Variants in KCNJ8 observed in about 807,000 individuals in gnomAD.
The protein encoded by KCNJ8 is potassium inwardly rectifying channel subfamily J member 8, also known as ATP-sensitive inward rectifier potassium channel 8.
A neutral mutation model predicts 28.2 loss-of-function variants in KCNJ8; 13 were observed. The ratio of observed to expected loss-of-function variants is 0.46; its 90% CI spans 0.30 to 0.73. The LOEUF is 0.73. Ranked by LOEUF, KCNJ8 falls within the 30% of genes least tolerant of loss-of-function variation. The probability of loss-of-function intolerance (pLI) is 0.07; values close to 1 mark genes in which losing one functional copy is unlikely to be tolerated. For missense variants in KCNJ8, 284 were observed against 542.6 expected, an observed-to-expected ratio of 0.52 and a Z score of 4.73; for synonymous variants, 188 against 195.9, an observed-to-expected ratio of 0.96 and a Z score of 0.34.
At position 21,765,418 on chromosome 12, in the gene KCNJ8, G is replaced by A. The variant is rs1244564961; in HGVS notation, c.*305C>T. ...TTCTTGACCAAATTTTGTGCTCAAG[G>A]CCTGTTACTATTAGTGTAATTCTTG... is the stretch of plus-strand genomic sequence containing the variant. On this transcript the variant is annotated 3_prime_UTR_variant, in exon 3 of 3. Coordinates refer to ENST00000240662, the MANE Select transcript of KCNJ8 (RefSeq NM_004982.4). 9.5e-6 allele frequency: 4 copies of A among 421,356 alleles called. No individual in the cohort carries two copies. The highest frequency in any genetic ancestry group is 9.3e-5 in the South Asian group (4 of 42,836). 26.1% of individuals were successfully genotyped at this position (421,356 alleles called of 1,614,324 possible).
At chr12:21,774,144 GAAGT>G (rs974719786) in intron 1 of KCNJ8, among the ~76,000 whole-genome samples, 5 of 152,110 alleles carry the variant, frequency 3.3e-5, no homozygotes, top group African/African-American at 1.2e-4. Context: ...GTTATTTTTA[GAAGT>G]AAGCAAAGGC....
chr12:21,766,382 G>C lies in KCNJ8; in HGVS notation c.616C>G (p.Leu206Val). 1 of 1,614,174 alleles carries C rather than the reference G, an allele frequency of 6.2e-7. No homozygotes were observed. The highest frequency in any genetic ancestry group is 8.5e-7 in the Non-Finnish European group (1 of 1,180,040). The change falls in exon 3 of 3, where the codon CTG becomes GTG. Residue 206 changes from leucine (L) to valine (V), a missense_variant. By Grantham distance (32) the Leu-to-Val change is conservative (BLOSUM62 1). Coordinates refer to ENST00000240662, the MANE Select transcript of KCNJ8 (RefSeq NM_004982.4). The surrounding 1 kb of genome is among the most constrained non-coding windows in gnomAD (Gnocchi z 6.5). Reference sequence around the variant, plus strand: ...TCACCCACTCGGAACATGAAGCACAGCTTGCCATTTCGGACGGCAATCACA... The same window carrying C: ...TCACCCACTCGGAACATGAAGCACACCTTGCCATTTCGGACGGCAATCACA... ...HAVIAVRNGK[L>V]CFMFRVGDLR...
intron 2 of KCNJ8, among the ~76,000 whole-genome samples, chr12:21,768,768 A>G (rs567405227): frequency 5.9e-5 from 9 of 152,344 alleles, no homozygotes; most frequent in South Asian, 2.1e-4. Context: ...TAAAAGACCA[A>G]CTAGGTCACA....
rs749697322 is a variant in KCNJ8, at chr12:21,773,529, G to A, written c.88C>T (p.Arg30Cys). ...ENLRKPRIRDRLPKARFIAKS... is the reference protein window; with the variant it reads ...ENLRKPRIRDCLPKARFIAKS... ...GCGATGAAGCGGGCTTTGGGGAGGCGGTCTCGGATGCGCGGCTTGCGCAGG... is the reference window on the plus strand; with the variant it reads ...GCGATGAAGCGGGCTTTGGGGAGGCAGTCTCGGATGCGCGGCTTGCGCAGG... Residue 30 changes from arginine to cysteine, a missense_variant, in exon 2 of 3, where the codon CGC becomes TGC. This residue lies in a region of KCNJ8 where 54 missense variants were observed against 77.5 expected (regional missense o/e 0.70). Transcript: ENST00000240662. The surrounding 1 kb of genome is among the most constrained non-coding windows in gnomAD (Gnocchi z 4.6). 1.9e-6 allele frequency: 3 copies of A among 1,614,220 alleles called. No homozygotes were observed. Among genetic ancestry groups the A allele is most frequent in the Non-Finnish European group, 2.5e-6 (3 of 1,180,046 alleles).
intron 2 of KCNJ8, among the ~76,000 whole-genome samples, chr12:21,768,311 G>A (rs1162596274): frequency 6.6e-6 from 1 of 152,170 alleles, no homozygotes; most frequent in Non-Finnish European, 1.5e-5. Context: ...GCAGCCCAAG[G>A]ATTGGGAACC....
intron 2 of KCNJ8, among the ~76,000 whole-genome samples, chr12:21,771,516 G>A (rs74069151): frequency 0.029 from 4,446 of 152,258 alleles, 223 homozygotes; most frequent in African/African-American, 0.1. Flanking sequence ...GTCACCCTAA[G>A]AGAAGAATGG....
At chr12:21,774,088 AGAT>A (rs902323965) in intron 1 of KCNJ8, among the ~76,000 whole-genome samples, 1 of 152,190 alleles carries the variant, frequency 6.6e-6, no homozygotes, top group African/African-American at 2.4e-5. Flanking sequence ...TAAAGTACTT[AGAT>A]GATGTAGCAA....
At chr12:21,770,396 T>C (rs928573710) in intron 2 of KCNJ8, among the ~76,000 whole-genome samples, 1 of 152,224 alleles carries the variant, frequency 6.6e-6, no homozygotes, top group African/African-American at 2.4e-5. Context: ...AAGGTTTGTG[T>C]AACTGTCTTT....
In KCNJ8 at chr12:21,766,764, G is replaced by A. The variant is rs917801905; in HGVS notation, c.375-141C>T. The A allele has an allele frequency of 2.7e-6, 2 of 731,978 alleles. No homozygotes were observed. Among genetic ancestry groups the A allele is most frequent in the Non-Finnish European group, 4.8e-6 (2 of 420,444 alleles). 45.3% of individuals were successfully genotyped at this position (731,978 alleles called of 1,614,324 possible). On this transcript the variant is annotated intron_variant, in intron 2 of 2. Transcript: ENST00000240662. The surrounding 1 kb of genome is among the most constrained non-coding windows in gnomAD (Gnocchi z 6.5). ...ACTAGCCAACTTAAACTTGTAAAAT[G>A]CCTAATTCTAAACTGTGTTTAGAAC... is the stretch of plus-strand genomic sequence containing the variant.
Position 21,766,388 on chromosome 12 carries a change from C to T in KCNJ8, c.610G>A (p.Gly204Ser). 1 of 1,614,146 alleles carries T rather than the reference C, an allele frequency of 6.2e-7. No homozygotes were observed. The highest frequency in any genetic ancestry group is 8.5e-7 in the Non-Finnish European group (1 of 1,180,036). The stretch of plus-strand genomic sequence containing the variant: ...ACTCGGAACATGAAGCACAGCTTGC[C>T]ATTTCGGACGGCAATCACAGCATGG... ...SRHAVIAVRN[G>S]KLCFMFRVGD... The change falls in exon 3 of 3, where the codon GGC becomes AGC. Residue 204 changes from glycine (G) to serine (S), a missense_variant. Coordinates refer to ENST00000240662, the MANE Select transcript of KCNJ8 (RefSeq NM_004982.4). The surrounding 1 kb of genome is among the most constrained non-coding windows in gnomAD (Gnocchi z 6.5).
chr12:21,768,369 T>G (rs528174636), intron 2 of KCNJ8, among the ~76,000 whole-genome samples: 74 of 152,296 alleles, frequency 4.9e-4, no homozygotes, highest in African/African-American at 1.5e-3. Flanking sequence ...TGGCAAACAA[T>G]CGATAAATGT....
In KCNJ8 at chr12:21,765,454, T is replaced by G. The variant is rs1940595444; in HGVS notation, c.*269A>C. ...TTAGTGTAATTCTTGTGTTTCAAATTGAGAGAAACGAGCATACCCACCCCT... is the reference window on the plus strand; with the variant it reads ...TTAGTGTAATTCTTGTGTTTCAAATGGAGAGAAACGAGCATACCCACCCCT... On this transcript the variant is annotated 3_prime_UTR_variant, in exon 3 of 3. Transcript: ENST00000240662. The G allele has an allele frequency of 2.0e-6, 1 of 494,956 alleles. No homozygotes were observed. The highest frequency in any genetic ancestry group is 3.7e-6 in the Non-Finnish European group (1 of 271,928). 30.7% of individuals were successfully genotyped at this position (494,956 alleles called of 1,614,324 possible).
intron 2 of KCNJ8, among the ~76,000 whole-genome samples, chr12:21,768,127 G>A (rs115124219): frequency 0.012 from 1,884 of 152,206 alleles, 38 homozygotes; most frequent in African/African-American, 0.043. Flanking sequence ...CAAGGAGCCC[G>A]CAGCCTAGAT....
At chr12:21,769,971 A>G (rs1314275065) in intron 2 of KCNJ8, among the ~76,000 whole-genome samples, 1 of 152,250 alleles carries the variant, frequency 6.6e-6, no homozygotes, top group African/African-American at 2.4e-5. Context: ...AGAAGATTAC[A>G]TAAATTTAGT....
rs749882999 is a variant in KCNJ8 at position 21,765,321 on chromosome 12, T to A, written c.*402A>T. 3.5e-6 allele frequency: 1 copy of A among 287,120 alleles called. No homozygotes were observed. The highest frequency in any genetic ancestry group is 6.7e-6 in the Non-Finnish European group (1 of 149,070). The allele number at this position is 287,120 out of a possible 1,614,324, so 17.8% of individuals were successfully genotyped here. On this transcript the variant is annotated 3_prime_UTR_variant, in exon 3 of 3. Coordinates refer to ENST00000240662, the MANE Select transcript of KCNJ8 (RefSeq NM_004982.4). The stretch of plus-strand genomic sequence containing the variant: ...TTGTTTTTTCCCCTCCTATTCTATT[T>A]GCATTTCCAGAGTGATCATTAGTAA...
chr12:21,765,332 A>T lies in KCNJ8; in HGVS notation c.*391T>A, dbSNP rs1208904431. On this transcript the variant is annotated 3_prime_UTR_variant, in exon 3 of 3. Coordinates refer to ENST00000240662, the MANE Select transcript of KCNJ8 (RefSeq NM_004982.4). ...CCTCCTATTCTATTTGCATTTCCAG[A>T]GTGATCATTAGTAACACAGCGATCT... 3.2e-6 allele frequency: 1 copy of T among 308,852 alleles called. No homozygotes were observed. The highest frequency in any genetic ancestry group is 6.2e-6 in the Non-Finnish European group (1 of 161,274). The allele number at this position is 308,852 out of a possible 1,614,324, so 19.1% of individuals were successfully genotyped here. A position where few individuals can be genotyped will look rare whatever the true frequency, so the allele number is the denominator to read the frequency against.
In KCNJ8 at chr12:21,773,184, C is replaced by T; in HGVS notation, c.374+59G>A. ...AATAACAGAATGATAAGAGAAAGGG[C>T]ATTTTGACATTTTTTCTCTACTGTT... On this transcript the variant is annotated intron_variant, in intron 2 of 2. Transcript: ENST00000240662. The surrounding 1 kb of genome is among the most constrained non-coding windows in gnomAD (Gnocchi z 4.6). The T allele has an allele frequency of 6.4e-7, 1 of 1,553,216 alleles. No homozygotes were observed. The highest frequency in any genetic ancestry group is 8.8e-7 in the Non-Finnish European group (1 of 1,132,938).
At position 21,766,547 on chromosome 12, in the gene KCNJ8, C is replaced by G. The variant is rs1940626632; in HGVS notation, c.451G>C (p.Glu151Gln). The G allele has an allele frequency of 6.2e-7, 1 of 1,609,470 alleles. No individual in the cohort carries two copies. Among genetic ancestry groups the G allele is most frequent in the African/African-American group, 1.3e-5 (1 of 74,920 alleles). Residue 151 changes from glutamate to glutamine, a missense_variant, in exon 3 of 3, where the codon GAA becomes CAA. Transcript: ENST00000240662. The surrounding 1 kb of genome is among the most constrained non-coding windows in gnomAD (Gnocchi z 6.5). ...IGFGGRMMTEECPLAITVLIL... is the reference protein window; with the variant it reads ...IGFGGRMMTEQCPLAITVLIL... ...AAAACCGTGATGGCCAAAGGGCATT[C>G]CTCTGTCATCATCCTCCCTCCAAAC...
intron 1 of KCNJ8, 74 bp downstream of exon 1, chr12:21,774,472 T>C (rs1448846592): frequency 6.6e-6 from 1 of 152,090 alleles, no homozygotes; most frequent in South Asian, 2.1e-4. Context: ...CTGCGGTGTT[T>C]TGCATTTTAA....
Sources: allele counts gnomAD v4.1 joint callset (sites outside exome capture counted in the v4.1 genomes callset), GRCh38; gene constraint gnomAD v4.1.1; regional missense constraint gnomAD v4.1.1; non-coding constraint Gnocchi (gnomAD v3.1); transcripts MANE v1.5; gene names NCBI Gene and HGNC (gene_info 2026-07-23, HGNC 2026-07-21).